The following CDH12 variants were observed in gnomAD, a reference collection of about 807,000 sequenced individuals.
The protein encoded by CDH12 is cadherin-12.
In CDH12, 41 loss-of-function variants were observed where a neutral mutation model predicts 74.1. The observed-to-expected ratio is 0.55, with a 90% CI of 0.43 to 0.72. CDH12 has a LOEUF of 0.72. CDH12 is among the 30% of genes least tolerant of loss of function. The pLI is 0.00. For missense variants in CDH12, 945 were observed against 977.2 expected, an observed-to-expected ratio of 0.97 and a Z score of 0.44; for synonymous variants, 399 against 355.0, an observed-to-expected ratio of 1.12 and a Z score of -1.39.
At chr5:22,792,090 T>G (rs1039503061) in intron 1 of CDH12, among the ~76,000 whole-genome samples, 1 of 150,206 alleles carries the variant, frequency 6.7e-6, no homozygotes, top group African/African-American at 2.4e-5. Context: ...CTAGGGCTTT[T>G]TTTTTTTTTT....
intron 1 of CDH12, among the ~76,000 whole-genome samples, chr5:22,614,295 C>G (rs957951888): frequency 3.3e-5 from 5 of 152,104 alleles, no homozygotes; most frequent in African/African-American, 9.7e-5. Flanking sequence ...AGCAGACATA[C>G]ATTATTCAGA....
intron 6 of CDH12, among the ~76,000 whole-genome samples, chr5:21,931,015 C>T (rs1303617082): frequency 4.6e-5 from 7 of 152,100 alleles, no homozygotes; most frequent in East Asian, 1.9e-4. Flanking sequence ...CAAAATGTCT[C>T]GAGCTTTATG....
chr5:22,462,294 G>T (rs1039875118), intron 2 of CDH12, among the ~76,000 whole-genome samples: 1 of 152,124 alleles, frequency 6.6e-6, no homozygotes, highest in African/African-American at 2.4e-5. Flanking sequence ...AAATGTGAGG[G>T]TCAGGAGAAA....
intron 5 of CDH12, among the ~76,000 whole-genome samples, chr5:22,021,551 T>C (rs969205669): frequency 6.6e-6 from 1 of 152,196 alleles, no homozygotes; most frequent in Admixed American, 6.5e-5. Flanking sequence ...ACTTTACAAT[T>C]ATGTGATACA....
At chr5:22,263,423 G>T (rs1346163220) in intron 3 of CDH12, among the ~76,000 whole-genome samples, 4 of 152,108 alleles carry the variant, frequency 2.6e-5, no homozygotes, top group Non-Finnish European at 5.9e-5. Context: ...TCTGGAGAAT[G>T]CAGGAGAAGC....
chr5:21,957,134 AG>A (rs1342588194), intron 6 of CDH12, among the ~76,000 whole-genome samples: 1 of 152,072 alleles, frequency 6.6e-6, no homozygotes, highest in Non-Finnish European at 1.5e-5. Flanking sequence ...CTCATAATTT[AG>A]TTCCCCACTT....
chr5:21,793,649 C>G (rs933703369), intron 10 of CDH12, among the ~76,000 whole-genome samples: 2 of 151,528 alleles, frequency 1.3e-5, no homozygotes, highest in Non-Finnish European at 3.0e-5. Flanking sequence ...AGCTGCTTAC[C>G]ATTTGAAACC....
At chr5:22,740,825 C>T (rs1481933818) in intron 1 of CDH12, among the ~76,000 whole-genome samples, 5 of 151,956 alleles carry the variant, frequency 3.3e-5, no homozygotes, top group Non-Finnish European at 7.4e-5. Flanking sequence ...ACCTATAGAA[C>T]TGAATAAAAA....
intron 4 of CDH12, among the ~76,000 whole-genome samples, chr5:22,190,751 G>A (rs970969071): frequency 6.6e-6 from 1 of 152,118 alleles, no homozygotes; most frequent in Non-Finnish European, 1.5e-5. Context: ...CAGAGCTCTT[G>A]TCTCTGCAGA....
intron 7 of CDH12, 44 bp from the exon 8 acceptor site, chr5:21,842,372 C>A: frequency 1.5e-6 from 2 of 1,342,694 alleles, no homozygotes; most frequent in Non-Finnish European, 2.1e-6. Flanking sequence ...ATCACAAATG[C>A]TCTGTTTTCT....
intron 3 of CDH12, among the ~76,000 whole-genome samples, chr5:22,297,628 T>C (rs1456446089): frequency 6.6e-6 from 1 of 152,216 alleles, no homozygotes; most frequent in Admixed American, 6.5e-5. Context: ...ATTGTATTTG[T>C]ATTCCTAATT....
At chr5:22,073,542 T>C (rs541410814) in intron 5 of CDH12, among the ~76,000 whole-genome samples, 1 of 152,140 alleles carries the variant, frequency 6.6e-6, no homozygotes, top group African/African-American at 2.4e-5. Flanking sequence ...TGGTAACATA[T>C]GAAGTACAAA....
chr5:21,846,539 C>T (rs1457050923), intron 7 of CDH12, among the ~76,000 whole-genome samples: 1 of 152,016 alleles, frequency 6.6e-6, no homozygotes, highest in Non-Finnish European at 1.5e-5. Context: ...TTTTTTAGTT[C>T]ACTGTAAATT....
chr5:22,354,109 G>C (rs1740464970), intron 3 of CDH12, among the ~76,000 whole-genome samples: 1 of 152,144 alleles, frequency 6.6e-6, no homozygotes, highest in Non-Finnish European at 1.5e-5. Flanking sequence ...ATGTTCTTGA[G>C]TTCAGAGTTC....
chr5:22,236,196 G>A (rs6880438), intron 3 of CDH12, among the ~76,000 whole-genome samples: 12 of 152,238 alleles, frequency 7.9e-5, no homozygotes, highest in African/African-American at 2.6e-4. Flanking sequence ...CATAAACAAC[G>A]TACATTTAGG....
intron 2 of CDH12, among the ~76,000 whole-genome samples, chr5:22,406,586 T>A (rs1341351330): frequency 6.6e-6 from 1 of 152,186 alleles, no homozygotes; most frequent in East Asian, 1.9e-4. Context: ...AGAAAAGATA[T>A]TATTTTCCCT....
intron 4 of CDH12, among the ~76,000 whole-genome samples, chr5:22,204,585 A>G (rs1393381173): frequency 6.6e-6 from 1 of 152,194 alleles, no homozygotes; most frequent in Non-Finnish European, 1.5e-5. Context: ...AAATTCTTTA[A>G]TGAGTTCTCA....
chr5:22,665,621 T>C (rs1740575353), intron 1 of CDH12, among the ~76,000 whole-genome samples: 1 of 152,194 alleles, frequency 6.6e-6, no homozygotes, highest in Non-Finnish European at 1.5e-5. Flanking sequence ...GAATATCTTC[T>C]TTTCAGATAC....
intron 4 of CDH12, among the ~76,000 whole-genome samples, chr5:22,127,770 G>C (rs1745967912): frequency 6.6e-6 from 1 of 152,118 alleles, no homozygotes; most frequent in Non-Finnish European, 1.5e-5. Flanking sequence ...GTGTTTGTAG[G>C]GTATGCTATC....
Sources: allele counts gnomAD v4.1 joint callset (sites outside exome capture counted in the v4.1 genomes callset), GRCh38; gene constraint gnomAD v4.1.1; transcripts MANE v1.5; gene names NCBI Gene and HGNC (gene_info 2026-07-23, HGNC 2026-07-21).